NAALADL2: variants seen among roughly 807,000 people sequenced by gnomAD.
NAALADL2 encodes N-acetylated alpha-linked acidic dipeptidase like 2.
A neutral mutation model predicts 87.2 loss-of-function variants in NAALADL2; 76 were observed. The observed-to-expected ratio is 0.87, with a 90% CI of 0.72 to 1.05. NAALADL2 has a LOEUF of 1.05. Among genes scored for constraint, NAALADL2 ranks in the 50% least tolerant of loss-of-function variants. NAALADL2 has a pLI of 0.00. For missense variants in NAALADL2, 1,089 were observed against 945.8 expected (o/e 1.15, Z -1.99); for synonymous variants, 354 against 331.0 (o/e 1.07, Z -0.75).
intron 2 of NAALADL2, among the ~76,000 whole-genome samples, chr3:175,223,247 GTACCTTTTCATCAA>G (rs911530775): frequency 1.3e-5 from 2 of 151,272 alleles, no homozygotes; most frequent in African/African-American, 4.9e-5. Context: ...CTGAACGTTT[GTACCTTTTCATCAA>G]TACCTCTCCA....
intron 9 of NAALADL2, among the ~76,000 whole-genome samples, chr3:175,555,280 A>G (rs893175473): frequency 7.9e-5 from 12 of 152,328 alleles, no homozygotes; most frequent in African/African-American, 2.4e-4. Flanking sequence ...ATAGTGCTCA[A>G]TTATCAGAAA....
chr3:174,942,205 ATCTT>A (rs1738709859), intron 1 of NAALADL2, among the ~76,000 whole-genome samples: 1 of 152,064 alleles, frequency 6.6e-6, no homozygotes, highest in African/African-American at 2.4e-5. Flanking sequence ...TTTTTTAAGG[ATCTT>A]TTATAAGGCA....
intron 2 of NAALADL2, among the ~76,000 whole-genome samples, chr3:175,128,039 G>A (rs1266410730): frequency 6.6e-6 from 1 of 152,042 alleles, no homozygotes; most frequent in Non-Finnish European, 1.5e-5. Context: ...CAAAACACAT[G>A]AATAGAAATA....
At chr3:175,782,066 T>C (rs1298009980) in intron 13 of NAALADL2, among the ~76,000 whole-genome samples, 1 of 150,988 alleles carries the variant, frequency 6.6e-6, no homozygotes, top group African/African-American at 2.4e-5. Context: ...TAGTATTCCA[T>C]GGTGTATATG....
intron 3 of NAALADL2, among the ~76,000 whole-genome samples, chr3:174,826,745 T>C (rs116455712): frequency 6.6e-6 from 1 of 152,320 alleles, no homozygotes; most frequent in Non-Finnish European, 1.5e-5. Flanking sequence ...TTATTTTTGT[T>C]TAGAAAAGAA....
intron 1 of NAALADL2, among the ~76,000 whole-genome samples, chr3:174,512,048 T>C (rs1008466298): frequency 6.6e-6 from 1 of 152,126 alleles, no homozygotes; most frequent in African/African-American, 2.4e-5. Context: ...AATCCTTATA[T>C]GCTTTATCAT....
At chr3:175,731,284 G>A (rs561879882) in intron 11 of NAALADL2, among the ~76,000 whole-genome samples, 2 of 152,270 alleles carry the variant, frequency 1.3e-5, no homozygotes, top group Admixed American at 1.3e-4. Context: ...GAGCTGTTGT[G>A]AGAATTAGAG....
intron 2 of NAALADL2, among the ~76,000 whole-genome samples, chr3:175,230,045 A>T (rs1038705226): frequency 5.3e-5 from 8 of 152,130 alleles, no homozygotes; most frequent in African/African-American, 1.4e-4. Flanking sequence ...ATGGCAACTC[A>T]TATACGACAG....
chr3:175,084,491 A>T (rs531494877), intron 1 of NAALADL2, among the ~76,000 whole-genome samples: 12 of 152,310 alleles, frequency 7.9e-5, no homozygotes, highest in African/African-American at 2.9e-4. Flanking sequence ...ACTCAGGGCT[A>T]TAAGAATTCC....
chr3:175,016,742 A>C (rs1750873656), intron 1 of NAALADL2, among the ~76,000 whole-genome samples: 1 of 152,006 alleles, frequency 6.6e-6, no homozygotes, highest in Non-Finnish European at 1.5e-5. Context: ...AGGAATCATA[A>C]TGAATTATAT....
rs143150099 is a variant in NAALADL2 at position 175,606,064 on chromosome 3, A to G, written c.1801-21227A>G. The stretch of plus-strand genomic sequence containing the variant: ...TTTAGCAACTGTTCTTTACATCACT[A>G]CGATGTTGTATGTCCTCAGAAGGGA... On this transcript the variant is annotated intron_variant, in intron 10 of 13. Transcript: ENST00000454872. Among the ~76,000 whole-genome samples, 1,014 of 152,250 alleles carry G rather than the reference A, an allele frequency of 6.7e-3. 13 individuals carry two copies. The highest frequency in any genetic ancestry group is 0.023 in the African/African-American group (966 of 41,540).
At chr3:175,039,995 C>T (rs1039478571) in intron 1 of NAALADL2, among the ~76,000 whole-genome samples, 2 of 152,088 alleles carry the variant, frequency 1.3e-5, no homozygotes, top group African/African-American at 4.8e-5. Flanking sequence ...AGATCTTACA[C>T]TTACAAAAAA....
chr3:175,608,123 A>G (rs1415570104), intron 10 of NAALADL2, among the ~76,000 whole-genome samples: 1 of 151,310 alleles, frequency 6.6e-6, no homozygotes, highest in African/African-American at 2.4e-5. Flanking sequence ...CACAGATGTT[A>G]TTATTAATTA....
chr3:175,599,600 G>A (rs1173454008), intron 10 of NAALADL2, among the ~76,000 whole-genome samples: 1 of 151,980 alleles, frequency 6.6e-6, no homozygotes, highest in Non-Finnish European at 1.5e-5. Context: ...TTCTATTTGT[G>A]TTAACATTCA....
At chr3:175,602,236 A>C (rs1231103808) in intron 10 of NAALADL2, among the ~76,000 whole-genome samples, 2 of 152,122 alleles carry the variant, frequency 1.3e-5, no homozygotes, top group Non-Finnish European at 2.9e-5. Context: ...ATACAGGTGA[A>C]TATATATTTA....
chr3:174,694,776 GTT>G (rs1728873614), intron 2 of NAALADL2, among the ~76,000 whole-genome samples: 3 of 152,002 alleles, frequency 2.0e-5, no homozygotes, highest in Admixed American at 6.6e-5. Context: ...TTTTTAGTGT[GTT>G]TTTATGTTAA....
At chr3:175,019,431 A>G (rs575987053) in intron 1 of NAALADL2, among the ~76,000 whole-genome samples, 5 of 152,184 alleles carry the variant, frequency 3.3e-5, no homozygotes, top group Middle Eastern at 3.4e-3. Flanking sequence ...ACTATAACAT[A>G]TATAAAGTAA....
At chr3:175,750,696 A>C (rs909087669) in intron 12 of NAALADL2, among the ~76,000 whole-genome samples, 1 of 152,184 alleles carries the variant, frequency 6.6e-6, no homozygotes, top group Non-Finnish European at 1.5e-5. Context: ...TTCATGATCT[A>C]TCTCTCAAGG....
intron 3 of NAALADL2, among the ~76,000 whole-genome samples, chr3:175,239,329 C>T (rs1243939211): frequency 6.6e-6 from 1 of 152,144 alleles, no homozygotes; most frequent in Non-Finnish European, 1.5e-5. Flanking sequence ...TAAATATCAA[C>T]TATAATATTA....
Sources: gnomAD v4.1 joint callset for allele counts (sites outside exome capture counted in the v4.1 genomes callset) on GRCh38, gnomAD v4.1.1 for gene constraint, MANE v1.5 for transcripts, NCBI Gene and HGNC (gene_info 2026-07-23, HGNC 2026-07-21) for gene names.